Variants in DTD1 observed in about 807,000 individuals in gnomAD.
DTD1 encodes the protein D-tyrosyl-tRNA deacylase 1 homolog.
Under a neutral mutation model 25.6 loss-of-function variants are expected in DTD1, and 13 were observed. That is an observed-to-expected ratio of 0.51 (90% CI 0.33 to 0.81). DTD1 has a LOEUF of 0.81. Among genes scored for constraint, DTD1 ranks in the 30% least tolerant of loss-of-function variants. The pLI is 0.02. For synonymous variants in DTD1, 110 were observed against 103.6 expected (o/e 1.06, Z -0.37); for missense variants, 193 against 266.4 (o/e 0.72, Z 1.92).
chr20:18,588,977 G>A (rs1374396699), intron 1 of DTD1: 3 of 728,484 alleles, frequency 4.1e-6, no homozygotes, highest in Non-Finnish European at 3.4e-6. Context: ...TATTGTTTCA[G>A]TTCAAATAAT....
In DTD1 at chr20:18,738,477, G is replaced by A. The variant is rs117463875; in HGVS notation, c.478-5623G>A. Reference sequence around the variant, plus strand: ...CTGGTTCAGCTGGCTCAACTCTGCCGGGGCTCTCCAGAGACTTCTGTGCAC... The same window carrying A: ...CTGGTTCAGCTGGCTCAACTCTGCCAGGGCTCTCCAGAGACTTCTGTGCAC... On this transcript the variant is annotated intron_variant, in intron 4 of 5. Transcript: ENST00000377452. Among the ~76,000 whole-genome samples, 1,406 of 152,270 alleles carry A rather than the reference G, an allele frequency of 9.2e-3. 9 individuals are homozygous for A. Among genetic ancestry groups the A allele is most frequent in the Non-Finnish European group, 0.013 (854 of 68,016 alleles).
intron 4 of DTD1, among the ~76,000 whole-genome samples, chr20:18,659,053 T>G (rs575370556): frequency 6.6e-6 from 1 of 151,932 alleles, no homozygotes; most frequent in East Asian, 1.9e-4. Context: ...TTCTAAGATA[T>G]CTAAATGAAT....
chr20:18,616,597 G>T (rs2060709761), intron 3 of DTD1, among the ~76,000 whole-genome samples: 1 of 151,730 alleles, frequency 6.6e-6, no homozygotes, highest in South Asian at 2.1e-4. Context: ...AGACCAGCCT[G>T]GGCAGCATAG....
intron 3 of DTD1, among the ~76,000 whole-genome samples, chr20:18,625,623 C>G (rs2060754408): frequency 6.6e-6 from 1 of 152,228 alleles, no homozygotes; most frequent in Non-Finnish European, 1.5e-5. Flanking sequence ...TCAAACTCCT[C>G]TAGCAGGCAG....
At chr20:18,728,444 G>T (rs6081328) in intron 4 of DTD1, among the ~76,000 whole-genome samples, 2 of 151,984 alleles carry the variant, frequency 1.3e-5, no homozygotes, top group African/African-American at 4.8e-5. Flanking sequence ...CAGGAGTCCC[G>T]TGGGGATCTG....
chr20:18,710,922 A>G (rs1420831064), intron 4 of DTD1, among the ~76,000 whole-genome samples: 1 of 152,192 alleles, frequency 6.6e-6, no homozygotes, highest in Non-Finnish European at 1.5e-5. Context: ...GAGGTTGGGC[A>G]GACAGTTTTT....
At chr20:18,673,420 C>T (rs996468700) in intron 4 of DTD1, among the ~76,000 whole-genome samples, 1 of 152,152 alleles carries the variant, frequency 6.6e-6, no homozygotes, top group East Asian at 1.9e-4. Flanking sequence ...GGACTTAATT[C>T]TTCCCAGATT....
chr20:18,722,783 C>T (rs1431944481), intron 4 of DTD1, among the ~76,000 whole-genome samples: 4 of 152,080 alleles, frequency 2.6e-5, no homozygotes, highest in African/African-American at 7.2e-5. Flanking sequence ...TGTAGAAGTG[C>T]CAGGTAAATG....
rs1212384240 is a variant in DTD1, at chr20:18,661,267, GTC to G, written c.477+33036_477+33037del. On this transcript the variant is annotated intron_variant, in intron 4 of 5. Coordinates refer to ENST00000377452, the MANE Select transcript of DTD1 (RefSeq NM_080820.6). ...TTCTGTATAAATTTTAGAAAAAGCT[GTC>G]TGTGACTACAAAAAATGATGCTGGG... Among the ~76,000 whole-genome samples the G allele has an allele frequency of 3.3e-5, 5 of 151,806 alleles. No homozygotes were observed. In the East Asian group the frequency reaches 9.7e-4, roughly 29 times the overall value.
At chr20:18,607,519 G>A (rs1252907198) in intron 3 of DTD1, among the ~76,000 whole-genome samples, 1 of 151,980 alleles carries the variant, frequency 6.6e-6, no homozygotes, top group African/African-American at 2.4e-5. Context: ...AGAATGAGTT[G>A]GGAAGTACCC....
At position 18,606,915 on chromosome 20, in the gene DTD1, C is replaced by G. The variant is rs186068448; in HGVS notation, c.370+10674C>G. ...CACAATGTGCACATGTACCCTAAAA[C>G]TTAAAGTATAATAAAAAAAAAAAAG... On this transcript the variant is annotated intron_variant, in intron 3 of 5. Coordinates refer to ENST00000377452, the MANE Select transcript of DTD1 (RefSeq NM_080820.6). 7.2e-3 allele frequency among the ~76,000 whole-genome samples: 1,079 copies of G among 149,410 alleles called. 11 individuals carry two copies. Among genetic ancestry groups the G allele is most frequent in the African/African-American group, 0.025 (1,013 of 40,124 alleles).
At chr20:18,667,507 T>G (rs776875135) in intron 4 of DTD1, among the ~76,000 whole-genome samples, 1 of 152,128 alleles carries the variant, frequency 6.6e-6, no homozygotes, top group Admixed American at 6.5e-5. Context: ...TCCCCTCTTA[T>G]CAGTTTACTT....
At chr20:18,646,712 GGTGTGCC>G (rs988201313) in intron 4 of DTD1, among the ~76,000 whole-genome samples, 1 of 152,158 alleles carries the variant, frequency 6.6e-6, no homozygotes, top group African/African-American at 2.4e-5. Flanking sequence ...GCCATTCATA[GGTGTGCC>G]TTCCTCATGT....
intron 4 of DTD1, among the ~76,000 whole-genome samples, chr20:18,696,295 G>C (rs1192481474): frequency 1.3e-5 from 2 of 152,100 alleles, no homozygotes; most frequent in East Asian, 1.9e-4. Flanking sequence ...CTGTCTCGGA[G>C]TCTCATTGTA....
intron 4 of DTD1, among the ~76,000 whole-genome samples, chr20:18,679,701 A>G (rs1450679745): frequency 6.6e-6 from 1 of 152,194 alleles, no homozygotes; most frequent in Admixed American, 6.5e-5. Flanking sequence ...GGAAATAAGT[A>G]ACCAAATTCT....
intron 4 of DTD1, among the ~76,000 whole-genome samples, chr20:18,690,390 A>G (rs370763800): frequency 1.3e-5 from 2 of 152,216 alleles, no homozygotes; most frequent in South Asian, 4.1e-4. Flanking sequence ...CTGCAATTGC[A>G]TTTGGGGACC....
intron 4 of DTD1, among the ~76,000 whole-genome samples, chr20:18,669,133 A>G (rs1568663641): frequency 6.7e-6 from 1 of 148,458 alleles, no homozygotes; most frequent in East Asian, 1.9e-4. Flanking sequence ...AGGAAACATC[A>G]TGAGCTGCTG....
chr20:18,642,430 A>C (rs899600792), intron 4 of DTD1, among the ~76,000 whole-genome samples: 3 of 151,650 alleles, frequency 2.0e-5, no homozygotes, highest in African/African-American at 7.3e-5. Context: ...CTTTTTATTT[A>C]TTTTATTTTA....
intron 4 of DTD1, among the ~76,000 whole-genome samples, chr20:18,708,311 ATATATATAT>A (rs2061142688): frequency 1.8e-5 from 1 of 55,148 alleles, no homozygotes. Context: ...TATATATTTT[ATATATATAT>A]TATATATATA....
Sources: allele counts gnomAD v4.1 joint callset (sites outside exome capture counted in the v4.1 genomes callset), GRCh38; gene constraint gnomAD v4.1.1; transcripts MANE v1.5; gene names NCBI Gene and HGNC (gene_info 2026-07-23, HGNC 2026-07-21).